Variants in NEMF observed in about 807,000 individuals in gnomAD.
NEMF encodes ribosome quality control complex subunit NEMF.
A neutral mutation model predicts 162.2 loss-of-function variants in NEMF; 89 were observed. The observed-to-expected ratio is 0.55, with a 90% CI of 0.46 to 0.65. The LOEUF (loss-of-function observed/expected upper bound fraction) is 0.65, where lower values mean the gene tolerates loss of function less well. NEMF is among the 30% of genes least tolerant of loss of function. NEMF has a pLI of 0.00. For missense variants in NEMF, 1,133 were observed against 1,261.9 expected (o/e 0.90, Z 1.55); for synonymous variants, 421 against 404.5 (o/e 1.04, Z -0.49).
chr14:49,805,981 C>A, intron 19 of NEMF, 40 bp downstream of exon 19: 1 of 1,431,320 alleles, frequency 7.0e-7, no homozygotes, highest in Non-Finnish European at 9.7e-7. Context: ...CACACAGTAG[C>A]TCTTAGTAAA....
intron 26 of NEMF, among the ~76,000 whole-genome samples, chr14:49,792,502 G>A (rs920104168): frequency 2.0e-5 from 3 of 152,112 alleles, no homozygotes; most frequent in East Asian, 1.9e-4. Context: ...ATGAGCCACC[G>A]TGCCCAGCCA....
At chr14:49,807,476 T>A (rs1209561435) in intron 18 of NEMF, among the ~76,000 whole-genome samples, 1 of 152,164 alleles carries the variant, frequency 6.6e-6, no homozygotes, top group Non-Finnish European at 1.5e-5. Context: ...AGCTGTATCA[T>A]TGTCCATTCC....
chr14:49,826,061 A>ACCGAG, intron 15 of NEMF, 106 bp from the exon 16 acceptor site: 3 of 622,694 alleles, frequency 4.8e-6, no homozygotes, highest in South Asian at 4.1e-5. Context: ...AAAATGGCAC[A>ACCGAG]ATCTACACAC....
intron 16 of NEMF, among the ~76,000 whole-genome samples, chr14:49,816,098 T>C (rs1025098623): frequency 2.6e-5 from 4 of 152,218 alleles, no homozygotes; most frequent in African/African-American, 9.7e-5. Context: ...AGATTCTTTA[T>C]ACATAGAAAA....
At chr14:49,807,958 G>A (rs561610006) in intron 18 of NEMF, among the ~76,000 whole-genome samples, 1 of 152,088 alleles carries the variant, frequency 6.6e-6, no homozygotes, top group South Asian at 2.1e-4. Flanking sequence ...ACTGAGAATC[G>A]TTTCATGTGA....
At chr14:49,808,259 G>A (rs892343281) in intron 18 of NEMF, among the ~76,000 whole-genome samples, 2 of 151,978 alleles carry the variant, frequency 1.3e-5, no homozygotes, top group Admixed American at 6.6e-5. Context: ...TGCAACCTTC[G>A]CCTCCAGGGT....
chr14:49,825,924 T>A lies in NEMF; in HGVS notation c.1520A>T (p.Gln507Leu), dbSNP rs745923647. ...AACAGTCTGAACTTCTTTTAATGTT[T>A]GCTTTGTTTTCTTTTCTGCTGACTT... ...AFKSAEKKTK[Q>L]TLKEVQTVTS... Residue 507 changes from glutamine to leucine, a missense_variant, in exon 16 of 33, where the codon CAA becomes CTA. Gln to Leu is a moderately radical substitution (Grantham distance 113). This residue lies in a region of NEMF where 582 missense variants were observed against 631.5 expected (regional missense o/e 0.92). Coordinates refer to ENST00000298310, the MANE Select transcript of NEMF (RefSeq NM_004713.6). 1.4e-5 allele frequency: 22 copies of A among 1,611,764 alleles called. No individual in the cohort carries two copies. Among genetic ancestry groups the A allele is most frequent in the Non-Finnish European group, 1.9e-5 (22 of 1,178,420 alleles).
Position 49,789,130 on chromosome 14 carries a change from CACA to C in NEMF, c.2895+13_2895+15del. ...TCACCCTAATTAAGAAGCAGAAGCC[CACA>C]AAGTAGCCATACCTTGTCATCATGT... On this transcript the variant is annotated intron_variant, in intron 28 of 32. Coordinates refer to ENST00000298310, the MANE Select transcript of NEMF (RefSeq NM_004713.6). 2 of 1,606,150 alleles carry C rather than the reference CACA, an allele frequency of 1.2e-6. No individual in the cohort carries two copies. Among genetic ancestry groups the C allele is most frequent in the Non-Finnish European group, 1.7e-6 (2 of 1,173,836 alleles).
At chr14:49,828,529 T>G in intron 14 of NEMF, 87 bp downstream of exon 14, 1 of 1,186,952 alleles carries the variant, frequency 8.4e-7, no homozygotes, top group East Asian at 2.4e-5. Context: ...CATGTACAAG[T>G]GAAATTTAAA....
intron 16 of NEMF, chr14:49,820,197 G>A (rs889905296): frequency 6.3e-5 from 18 of 286,582 alleles, no homozygotes; most frequent in Admixed American, 1.9e-4. Context: ...TCATCTGCCC[G>A]CCTCGGCCTC....
chr14:49,796,503 C>G (rs1384012191), intron 25 of NEMF, among the ~76,000 whole-genome samples: 1 of 151,894 alleles, frequency 6.6e-6, no homozygotes, highest in Non-Finnish European at 1.5e-5. Flanking sequence ...GAGTTTGTGC[C>G]ACCACACCCA....
chr14:49,851,105 G>A (rs1383963277), intron 3 of NEMF, among the ~76,000 whole-genome samples: 1 of 152,176 alleles, frequency 6.6e-6, no homozygotes, highest in Non-Finnish European at 1.5e-5. Context: ...TGAGGAGGCT[G>A]AGGCAAGAGA....
chr14:49,789,356 G>A lies in NEMF; in HGVS notation c.2698-13C>T. 1 of 1,613,600 alleles carries A rather than the reference G, an allele frequency of 6.2e-7. No individual in the cohort carries two copies. Among genetic ancestry groups the A allele is most frequent in the Non-Finnish European group, 8.5e-7 (1 of 1,179,646 alleles). ...TTGAACCTGCAGACTTTAATTCATA[G>A]AGGAAACATCAGTCAGTGTTGTATT... is the stretch of plus-strand genomic sequence containing the variant. On this transcript the variant is annotated splice_polypyrimidine_tract_variant and intron_variant, in intron 27 of 32. Coordinates refer to ENST00000298310, the MANE Select transcript of NEMF (RefSeq NM_004713.6).
intron 4 of NEMF, chr14:49,844,697 T>G (rs1893385649): frequency 6.1e-6 from 1 of 164,896 alleles, no homozygotes; most frequent in East Asian, 1.4e-4. Flanking sequence ...ATTTATGTAT[T>G]TATTTATTTA....
At chr14:49,786,423 G>T in intron 29 of NEMF, 1 of 353,596 alleles carries the variant, frequency 2.8e-6, no homozygotes, top group Non-Finnish European at 5.1e-6. Context: ...TTGAGTGTTT[G>T]CTATGTGCCA....
chr14:49,815,404 TAC>T (rs1298388721), intron 16 of NEMF, among the ~76,000 whole-genome samples: 2 of 152,190 alleles, frequency 1.3e-5, no homozygotes, highest in Non-Finnish European at 2.9e-5. Flanking sequence ...AGATAAAAAG[TAC>T]AGAGTATATT....
intron 19 of NEMF, among the ~76,000 whole-genome samples, chr14:49,805,039 A>G (rs1283070030): frequency 6.6e-6 from 1 of 152,154 alleles, no homozygotes; most frequent in East Asian, 1.9e-4. Flanking sequence ...CAAAACGAAC[A>G]AACAAACACA....
chr14:49,802,341 G>A (rs1890994663), intron 22 of NEMF, 112 bp downstream of exon 22: 1 of 1,222,946 alleles, frequency 8.2e-7, no homozygotes, highest in Non-Finnish European at 1.1e-6. Flanking sequence ...GGGTTTTCGG[G>A]GTTTTTTTGA....
At chr14:49,800,306 A>C in intron 23 of NEMF, 114 bp downstream of exon 23, 1 of 828,228 alleles carries the variant, frequency 1.2e-6, no homozygotes, top group Admixed American at 2.9e-5. Flanking sequence ...AAAAAGTATT[A>C]AGACAATGGA....
Sources: gnomAD v4.1 joint callset for allele counts (sites outside exome capture counted in the v4.1 genomes callset) on GRCh38, gnomAD v4.1.1 for gene constraint, gnomAD v4.1.1 regional missense constraint, MANE v1.5 for transcripts, NCBI Gene and HGNC (gene_info 2026-07-23, HGNC 2026-07-21) for gene names.